Variants in XPO6 observed in about 807,000 individuals in gnomAD.
XPO6 encodes the protein exportin 6, also known as exportin-6.
A neutral mutation model predicts 130.0 loss-of-function variants in XPO6; 3 were observed. That is an observed-to-expected ratio of 0.02 (90% CI 0.01 to 0.06). The LOEUF (loss-of-function observed/expected upper bound fraction) is 0.06. Among genes scored for constraint, XPO6 ranks in the 10% least tolerant of loss-of-function variants. The probability of loss-of-function intolerance (pLI) is 1.00; values close to 1 mark genes in which losing one functional copy is unlikely to be tolerated. For missense variants in XPO6, 970 were observed against 1,393.0 expected (o/e 0.70, Z 4.83); for synonymous variants, 524 against 548.9 (o/e 0.95, Z 0.63).
At chr16:28,154,340 A>G (rs2043148251) in intron 7 of XPO6, 1 of 935,608 alleles carries the variant, frequency 1.1e-6, no homozygotes, top group Admixed American at 6.2e-5. Context: ...AATTTTTTAA[A>G]AATACAAACA....
chr16:28,118,258 A>G (rs574119699), intron 14 of XPO6, among the ~76,000 whole-genome samples: 2 of 152,278 alleles, frequency 1.3e-5, no homozygotes, highest in East Asian at 3.9e-4. Context: ...GTGAATTGGT[A>G]ATTTTTCTAT....
chr16:28,119,344 A>G (rs1277639074), intron 14 of XPO6, among the ~76,000 whole-genome samples: 1 of 152,148 alleles, frequency 6.6e-6, no homozygotes, highest in Non-Finnish European at 1.5e-5. Flanking sequence ...AAGCAAACTC[A>G]GCATCAACAA....
At chr16:28,195,908 T>G (rs2043853499) in intron 1 of XPO6, among the ~76,000 whole-genome samples, 1 of 152,200 alleles carries the variant, frequency 6.6e-6, no homozygotes, top group Non-Finnish European at 1.5e-5. Context: ...TCACAAACAT[T>G]CATTCTTTAG....
At chr16:28,167,297 T>C in intron 5 of XPO6, 1 of 985,408 alleles carries the variant, frequency 1.0e-6, no homozygotes, top group South Asian at 4.7e-5. Flanking sequence ...CAACTTTTCG[T>C]TCCCCACAAA....
chr16:28,135,154 C>T, intron 10 of XPO6, 62 bp downstream of exon 10: 1 of 1,389,700 alleles, frequency 7.2e-7, no homozygotes, highest in Non-Finnish European at 1.0e-6. Flanking sequence ...GTTCCAGGTC[C>T]CCATTCTGAT....
chr16:28,121,827 A>G, intron 13 of XPO6, 65 bp from the exon 14 acceptor site: 1 of 1,140,228 alleles, frequency 8.8e-7, no homozygotes, highest in South Asian at 1.2e-5. Context: ...CAAAACAGAC[A>G]AGGCTGGTAC....
intron 1 of XPO6, among the ~76,000 whole-genome samples, chr16:28,195,963 A>G (rs73525068): frequency 0.043 from 6,497 of 152,208 alleles, 481 homozygotes; most frequent in African/African-American, 0.15. Flanking sequence ...CTTACCTGCA[A>G]GTTCTCCAAT....
chr16:28,107,996 T>C (rs948472203), intron 17 of XPO6, among the ~76,000 whole-genome samples: 2 of 152,132 alleles, frequency 1.3e-5, no homozygotes, highest in African/African-American at 4.8e-5. Context: ...AGAAAAAAGA[T>C]AAATAAATGT....
In XPO6 at chr16:28,104,477, G is replaced by C. The variant is rs547739987; in HGVS notation, c.2946+69C>G. 3.8e-6 allele frequency: 6 copies of C among 1,570,866 alleles called. No individual in the cohort carries two copies. In the South Asian group the frequency reaches 6.8e-5, roughly 18 times the overall value. On this transcript the variant is annotated intron_variant, in intron 21 of 23. Transcript: ENST00000304658. Reference sequence around the variant, plus strand: ...TTCAGACCCGAGACTGTGGGGCTTCGAAGACAGGACTCGCTGCAGTGGTCA... The same window carrying C: ...TTCAGACCCGAGACTGTGGGGCTTCCAAGACAGGACTCGCTGCAGTGGTCA...
At chr16:28,177,388 A>C in intron 2 of XPO6, 56 bp from the exon 3 acceptor site, 1 of 998,198 alleles carries the variant, frequency 1.0e-6, no homozygotes, top group Middle Eastern at 2.1e-4. Flanking sequence ...AAATTAGACA[A>C]GACTGGGCTA....
In XPO6 at chr16:28,152,522, TA is replaced by T. The variant is rs1454528831; in HGVS notation, c.1224+136del. 1.6e-5 allele frequency: 18 copies of T among 1,098,452 alleles called. No homozygotes were observed. In the East Asian group the frequency reaches 5.0e-4, roughly 31 times the overall value. The allele number at this position is 1,098,452 out of a possible 1,614,324, so 68.0% of individuals were successfully genotyped here. On this transcript the variant is annotated intron_variant, in intron 8 of 23. Transcript: ENST00000304658. Reference sequence around the variant, plus strand: ...TACTTCACAGGGATGTTAGGAAGATTAAACCTGTGACTCTTCACATAATAAG... The same window carrying T: ...TACTTCACAGGGATGTTAGGAAGATTAACCTGTGACTCTTCACATAATAAG...
chr16:28,199,271 T>C (rs569225606), intron 1 of XPO6, among the ~76,000 whole-genome samples: 1 of 152,214 alleles, frequency 6.6e-6, no homozygotes, highest in Non-Finnish European at 1.5e-5. Context: ...AAATCCTTGA[T>C]AGATCACTCA....
chr16:28,098,955 C>T (rs1219655611), intron 23 of XPO6, among the ~76,000 whole-genome samples: 1 of 152,220 alleles, frequency 6.6e-6, no homozygotes, highest in Admixed American at 6.5e-5. Flanking sequence ...AGTCTAAGGA[C>T]AGAAAGACCA....
intron 1 of XPO6, chr16:28,183,259 A>G (rs182551780): frequency 1.8e-4 from 28 of 152,272 alleles, no homozygotes; most frequent in African/African-American, 6.7e-4. Flanking sequence ...CCCCAACCCA[A>G]GAAGTTACAG....
chr16:28,146,792 A>G (rs956458327), intron 8 of XPO6, among the ~76,000 whole-genome samples: 1 of 152,194 alleles, frequency 6.6e-6, no homozygotes. Context: ...CAAGGGTGTC[A>G]AACGTGCTAA....
chr16:28,158,878 A>G (rs566110386), intron 6 of XPO6, among the ~76,000 whole-genome samples: 1 of 152,276 alleles, frequency 6.6e-6, no homozygotes, highest in African/African-American at 2.4e-5. Flanking sequence ...AAAATGAAAC[A>G]GGGGAAAAAA....
At chr16:28,180,296 C>T (rs1045729516) in intron 2 of XPO6, among the ~76,000 whole-genome samples, 2 of 152,224 alleles carry the variant, frequency 1.3e-5, no homozygotes, top group East Asian at 1.9e-4. Flanking sequence ...ACCCAGGAGG[C>T]GGAGGTTGCA....
chr16:28,170,347 A>G (rs1003328508), intron 4 of XPO6, among the ~76,000 whole-genome samples: 9 of 151,840 alleles, frequency 5.9e-5, no homozygotes, highest in Non-Finnish European at 1.3e-4. Flanking sequence ...AAAAAAAAAA[A>G]AAAGAAACAT....
intron 5 of XPO6, among the ~76,000 whole-genome samples, chr16:28,168,731 A>G (rs1410019986): frequency 6.6e-6 from 1 of 151,108 alleles, no homozygotes; most frequent in African/African-American, 2.4e-5. Context: ...CCTCCTGAGT[A>G]GCTGGGACTA....
Sources: allele counts gnomAD v4.1 joint callset (sites outside exome capture counted in the v4.1 genomes callset), GRCh38; gene constraint gnomAD v4.1.1; transcripts MANE v1.5; gene names NCBI Gene and HGNC (gene_info 2026-07-23, HGNC 2026-07-21).